Variants in CHCHD6 observed in about 807,000 individuals in gnomAD.
CHCHD6 encodes MICOS complex subunit MIC25.
In CHCHD6, 28 loss-of-function variants were observed where a neutral mutation model predicts 32.3. The ratio of observed to expected loss-of-function variants is 0.87; its 90% CI spans 0.64 to 1.19. CHCHD6 has a LOEUF of 1.19. CHCHD6 is among the 50% of genes most tolerant of loss of function. The pLI is 0.00. For synonymous variants in CHCHD6, 122 were observed against 117.5 expected (o/e 1.04, Z -0.25); for missense variants, 333 against 307.0 (o/e 1.08, Z -0.63).
chr3:126,886,661 T>TA (rs1458280327), intron 5 of CHCHD6, among the ~76,000 whole-genome samples: 3 of 152,094 alleles, frequency 2.0e-5, no homozygotes, highest in Non-Finnish European at 4.4e-5. Context: ...AGAGAGCAAA[T>TA]AGACTTAGAA....
chr3:126,940,729 A>G (rs1227129975), intron 6 of CHCHD6, among the ~76,000 whole-genome samples: 1 of 152,156 alleles, frequency 6.6e-6, no homozygotes, highest in East Asian at 1.9e-4. Context: ...TTTCAGCAAT[A>G]TTTTTTCAAA....
chr3:126,791,002 G>T (rs1938510297), intron 4 of CHCHD6, among the ~76,000 whole-genome samples: 1 of 152,156 alleles, frequency 6.6e-6, no homozygotes, highest in South Asian at 2.1e-4. Context: ...TGGGGTTTTG[G>T]TGTGGATGTC....
At chr3:126,736,117 G>A (rs1479117525) in intron 4 of CHCHD6, among the ~76,000 whole-genome samples, 2 of 152,200 alleles carry the variant, frequency 1.3e-5, no homozygotes, top group Non-Finnish European at 2.9e-5. Context: ...AGGTAAAACT[G>A]TATTTTCAAA....
intron 6 of CHCHD6, among the ~76,000 whole-genome samples, chr3:126,947,863 TC>T (rs1197558719): frequency 6.6e-6 from 1 of 152,180 alleles, no homozygotes; most frequent in African/African-American, 2.4e-5. Context: ...AAGCTACGGC[TC>T]CTCCCCTTTT....
chr3:126,705,025 C>A (rs1934410274), intron 1 of CHCHD6, among the ~76,000 whole-genome samples: 1 of 152,184 alleles, frequency 6.6e-6, no homozygotes, highest in South Asian at 2.1e-4. Flanking sequence ...ACCCGCACCT[C>A]GTCCCCAGCC....
At chr3:126,952,902 C>T (rs576696297) in intron 6 of CHCHD6, 2 of 907,004 alleles carry the variant, frequency 2.2e-6, no homozygotes, top group East Asian at 1.2e-4. Context: ...ACCTATGCGG[C>T]CTGCTTGCCA....
intron 4 of CHCHD6, among the ~76,000 whole-genome samples, chr3:126,788,558 G>C (rs1938349533): frequency 6.6e-6 from 1 of 152,096 alleles, no homozygotes; most frequent in East Asian, 1.9e-4. Context: ...TCTTGGGAGG[G>C]CCTATGTGTC....
At chr3:126,817,539 C>T (rs764181591) in intron 4 of CHCHD6, among the ~76,000 whole-genome samples, 141 of 152,202 alleles carry the variant, frequency 9.3e-4, no homozygotes, top group Admixed American at 2.7e-3. Context: ...CTGGCCTTTG[C>T]CTGCAGAACC....
At chr3:126,866,258 T>G (rs1245979257) in intron 5 of CHCHD6, among the ~76,000 whole-genome samples, 1 of 152,182 alleles carries the variant, frequency 6.6e-6, no homozygotes, top group East Asian at 1.9e-4. Context: ...GTAGTTAGCA[T>G]TTATTGAGTG....
In CHCHD6 at chr3:126,733,067, C is replaced by T. The variant is rs1375518831; in HGVS notation, c.267-11C>T. ...TCCACATCTGTTTCTCCTCATGTTT[C>T]TTCTGCACAGGTATGAACAGGAGCA... On this transcript the variant is annotated splice_polypyrimidine_tract_variant and intron_variant, in intron 3 of 7. Transcript: ENST00000290913. The T allele has an allele frequency of 1.9e-6, 3 of 1,613,918 alleles. No individual in the cohort carries two copies. Among genetic ancestry groups the T allele is most frequent in the Non-Finnish European group, 2.5e-6 (3 of 1,179,832 alleles).
chr3:126,838,659 T>C (rs536507408), intron 4 of CHCHD6, among the ~76,000 whole-genome samples: 103 of 152,254 alleles, frequency 6.8e-4, no homozygotes, highest in South Asian at 1.2e-3. Context: ...TTCAGACTCA[T>C]AGTAGACAAG....
intron 5 of CHCHD6, among the ~76,000 whole-genome samples, chr3:126,872,659 G>T (rs1433020074): frequency 6.6e-6 from 1 of 152,212 alleles, no homozygotes; most frequent in African/African-American, 2.4e-5. Flanking sequence ...TGCCTGAGCT[G>T]CCAGGAGCAC....
chr3:126,795,689 G>A (rs746641001), intron 4 of CHCHD6, among the ~76,000 whole-genome samples: 16 of 152,094 alleles, frequency 1.1e-4, no homozygotes, highest in Admixed American at 2.0e-4. Flanking sequence ...AAGGTAACTC[G>A]TATCCCTTGA....
chr3:126,877,054 C>G (rs2077547998), intron 5 of CHCHD6, among the ~76,000 whole-genome samples: 2 of 151,900 alleles, frequency 1.3e-5, no homozygotes, highest in Non-Finnish European at 2.9e-5. Context: ...GATTCTGAGG[C>G]CAAAATGTGC....
At chr3:126,899,064 A>G (rs796706791) in intron 5 of CHCHD6, among the ~76,000 whole-genome samples, 44 of 152,326 alleles carry the variant, frequency 2.9e-4, no homozygotes, top group African/African-American at 1.0e-3. Flanking sequence ...TTGGGCTAAC[A>G]TTATTTTCTT....
rs560347569 is a variant in CHCHD6, at chr3:126,785,604, A to G, written c.411+52382A>G. 2.6e-5 allele frequency among the ~76,000 whole-genome samples: 4 copies of G among 152,336 alleles called. No homozygotes were observed. The East Asian group carries it at 5.8e-4, about 22-fold the overall frequency. ...TTTGTTTTTAAATTGTAAAATTTAC[A>G]TAATATAAAATTAACCATCTTAAAC... is the stretch of plus-strand genomic sequence containing the variant. On this transcript the variant is annotated intron_variant, in intron 4 of 7. Transcript: ENST00000290913.
intron 1 of CHCHD6, among the ~76,000 whole-genome samples, chr3:126,704,990 T>G (rs1934407687): frequency 6.6e-6 from 1 of 152,128 alleles, no homozygotes; most frequent in South Asian, 2.1e-4. Flanking sequence ...TGGGACTGCA[T>G]CTCGTGCCAT....
intron 4 of CHCHD6, among the ~76,000 whole-genome samples, chr3:126,796,783 G>A (rs1490725516): frequency 6.6e-6 from 1 of 152,118 alleles, no homozygotes; most frequent in Non-Finnish European, 1.5e-5. Context: ...ACATGTACTT[G>A]GGAGGGTTTT....
rs12632957 is a variant in CHCHD6 at position 126,778,410 on chromosome 3, G to T, written c.411+45188G>T. 2.1e-3 allele frequency among the ~76,000 whole-genome samples: 313 copies of T among 152,340 alleles called. 4 individuals carry two copies. The East Asian group carries it at 0.041, about 20-fold the overall frequency. ...GCACTAGCAATGTGTGAGGGTTCCA[G>T]TTTCTCCACATCTTCACCAACGCTT... On this transcript the variant is annotated intron_variant, in intron 4 of 7. Transcript: ENST00000290913.
Sources: allele counts gnomAD v4.1 joint callset (sites outside exome capture counted in the v4.1 genomes callset), GRCh38; gene constraint gnomAD v4.1.1; transcripts MANE v1.5; gene names NCBI Gene and HGNC (gene_info 2026-07-23, HGNC 2026-07-21).